The following MRPL19 variants were observed in gnomAD, a reference collection of about 807,000 sequenced individuals.
The protein encoded by MRPL19 is mitochondrial ribosomal protein L19.
A neutral mutation model predicts 34.0 loss-of-function variants in MRPL19; 31 were observed. The ratio of observed to expected loss-of-function variants is 0.91; its 90% CI spans 0.68 to 1.23. The LOEUF is 1.23. Among genes scored for constraint, MRPL19 ranks in the 50% most tolerant of loss-of-function variants. The pLI, the probability that MRPL19 is intolerant of heterozygous loss-of-function variation, is 0.00. For synonymous variants in MRPL19, 152 were observed against 127.7 expected (o/e 1.19, Z -1.28); for missense variants, 384 against 367.6 (o/e 1.04, Z -0.37).
rs760952672 is a variant in MRPL19 at position 75,655,592 on chromosome 2, A to AT, written c.*317dup. 1.4e-3 allele frequency: 284 copies of AT among 208,540 alleles called. No homozygotes were observed. The highest frequency in any genetic ancestry group is 2.4e-3 in the East Asian group (22 of 9,244). 12.9% of individuals were successfully genotyped at this position (208,540 alleles called of 1,614,324 possible). On this transcript the variant is annotated 3_prime_UTR_variant, in exon 6 of 6. Transcript: ENST00000393909. ...TGAGCAAAGGGAATAGGTGGGATGA[A>AT]TTTTTTTTTTAATTGTGAAACAATT...
chr2:75,659,997 T>C lies in MRPL19; in HGVS notation c.*4712T>C, dbSNP rs1205385895. Among the ~76,000 whole-genome samples the C allele has an allele frequency of 1.3e-5, 2 of 152,160 alleles. No homozygotes were observed. The highest frequency in any genetic ancestry group is 3.8e-4 in the East Asian group (2 of 5,204). On this transcript the variant is annotated 3_prime_UTR_variant, in exon 6 of 6. Coordinates refer to ENST00000393909, the MANE Select transcript of MRPL19 (RefSeq NM_014763.4). ...TTCCTTCTGAAATATTCTTAATGTATATGTTGGTCTGTTTGATGCTGTCTC... is the reference window on the plus strand; with the variant it reads ...TTCCTTCTGAAATATTCTTAATGTACATGTTGGTCTGTTTGATGCTGTCTC...
At position 75,660,403 on chromosome 2, in the gene MRPL19, G is replaced by A. The variant is rs1678580733; in HGVS notation, c.*5118G>A. ...TGTTTTCAATGAGCCATACTTTCCT[G>A]TGTCTTTGTATGCTGTCTTTTTGTT... On this transcript the variant is annotated 3_prime_UTR_variant, in exon 6 of 6. Coordinates refer to ENST00000393909, the MANE Select transcript of MRPL19 (RefSeq NM_014763.4). 6.6e-6 allele frequency: 1 copy of A among 152,114 alleles called. No individual in the cohort carries two copies. Among genetic ancestry groups the A allele is most frequent in the South Asian group, 2.1e-4 (1 of 4,818 alleles). The allele number at this position is 152,114 out of a possible 1,614,324, so 9.4% of individuals were successfully genotyped here.
In MRPL19 at chr2:75,654,764, T is replaced by G. The variant is rs1450390773; in HGVS notation, c.504T>G (p.Asn168Lys). 6.2e-7 allele frequency: 1 copy of G among 1,613,794 alleles called. No homozygotes were observed. Among genetic ancestry groups the G allele is most frequent in the Non-Finnish European group, 8.5e-7 (1 of 1,179,810 alleles). The change falls in exon 5 of 6, where the codon AAT (asparagine) becomes AAG (lysine). Residue 168 changes from asparagine to lysine, a missense_variant. Asn to Lys is a moderately conservative substitution (Grantham distance 94, BLOSUM62 0). Transcript: ENST00000393909. ...QGVEICFELY[N>K]PRVQEIQVVK... ...TCGAGATTTGCTTTGAACTTTATAA[T>G]CCTCGGGTCCAGGAGATTCAGGTGG... is the stretch of plus-strand genomic sequence containing the variant.
At chr2:75,648,382 T>A (rs911826968) in intron 2 of MRPL19, among the ~76,000 whole-genome samples, 4 of 152,142 alleles carry the variant, frequency 2.6e-5, no homozygotes, top group Admixed American at 2.6e-4. Context: ...TAACAAAATT[T>A]AGAGGCAGCC....
rs1678463570 is a variant in MRPL19, at chr2:75,656,749, T to C, written c.*1464T>C. 1 of 152,160 alleles carries C rather than the reference T, an allele frequency of 6.6e-6. No individual in the cohort carries two copies. The highest frequency in any genetic ancestry group is 1.9e-4 in the East Asian group (1 of 5,202). The allele number at this position is 152,160 out of a possible 1,614,324, so 9.4% of individuals were successfully genotyped here. ...CTTGGTGTGGGTCTATATTTATCCA[T>C]TGTATTGGGTTTTAGGTGAACCCTT... On this transcript the variant is annotated 3_prime_UTR_variant, in exon 6 of 6. Transcript: ENST00000393909.
At chr2:75,653,238 CCAA>C (rs1249654710) in intron 4 of MRPL19, among the ~76,000 whole-genome samples, 2 of 152,254 alleles carry the variant, frequency 1.3e-5, no homozygotes, top group African/African-American at 4.8e-5. Context: ...TCATGAAGTT[CCAA>C]CAACAAAGTA....
At chr2:75,654,174 A>G (rs1173481014) in intron 4 of MRPL19, among the ~76,000 whole-genome samples, 1 of 152,142 alleles carries the variant, frequency 6.6e-6, no homozygotes, top group Non-Finnish European at 1.5e-5. Context: ...CCTGCATCCA[A>G]GATGGTGCCT....
rs1678621286 is a variant in MRPL19 at position 75,661,566 on chromosome 2, G to C, written c.*6281G>C. 1 of 152,214 alleles carries C rather than the reference G, an allele frequency of 6.6e-6. No individual in the cohort carries two copies. The highest frequency in any genetic ancestry group is 6.5e-5 in the Admixed American group (1 of 15,292). 9.4% of individuals were successfully genotyped at this position (152,214 alleles called of 1,614,324 possible). On this transcript the variant is annotated 3_prime_UTR_variant, in exon 6 of 6. Coordinates refer to ENST00000393909, the MANE Select transcript of MRPL19 (RefSeq NM_014763.4). The stretch of plus-strand genomic sequence containing the variant: ...TGGGAAATAAATCCCTGAGCCTTTT[G>C]AATAACTCAGAGAGATCAAAAACTT...
Position 75,655,449 on chromosome 2 carries a change from A to T in MRPL19, c.*164A>T. 1.7e-6 allele frequency: 1 copy of T among 597,958 alleles called. No individual in the cohort carries two copies. The highest frequency in any genetic ancestry group is 1.9e-5 in the African/African-American group (1 of 53,220). The allele number at this position is 597,958 out of a possible 1,614,324, so 37.0% of individuals were successfully genotyped here. On this transcript the variant is annotated 3_prime_UTR_variant, in exon 6 of 6. Coordinates refer to ENST00000393909, the MANE Select transcript of MRPL19 (RefSeq NM_014763.4). ...TAAAATAAAACTTGTACACCAGTTTATTACTCTAAAAAGAGAATTACACAT... is the reference window on the plus strand; with the variant it reads ...TAAAATAAAACTTGTACACCAGTTTTTTACTCTAAAAAGAGAATTACACAT...
chr2:75,659,186 G>C lies in MRPL19; in HGVS notation c.*3901G>C, dbSNP rs899616485. On this transcript the variant is annotated 3_prime_UTR_variant, in exon 6 of 6. Coordinates refer to ENST00000393909, the MANE Select transcript of MRPL19 (RefSeq NM_014763.4). The stretch of plus-strand genomic sequence containing the variant: ...TGTATATTTGTTAGATGTTTTATTT[G>C]TGGTTGCTATGGGGATTATAGTTAA... Among the ~76,000 whole-genome samples the C allele has an allele frequency of 2.6e-5, 4 of 151,008 alleles. No homozygotes were observed. Among genetic ancestry groups the C allele is most frequent in the Non-Finnish European group, 5.9e-5 (4 of 67,778 alleles).
rs2104121003 is a variant in MRPL19, at chr2:75,647,182, A to G, written c.184A>G (p.Ile62Val). 1 of 1,581,096 alleles carries G rather than the reference A, an allele frequency of 6.3e-7. No homozygotes were observed. The highest frequency in any genetic ancestry group is 8.6e-7 in the Non-Finnish European group (1 of 1,163,100). Residue 62 changes from isoleucine to valine, a missense_variant, in exon 2 of 6, where the codon ATC (isoleucine) becomes GTC (valine). By Grantham distance (29) the Ile-to-Val change is conservative. Coordinates refer to ENST00000393909, the MANE Select transcript of MRPL19 (RefSeq NM_014763.4). ...GAFQPPPKPV[I>V]VDKHRPVEPE... ...GTTCCAACCGCCGCCGAAACCGGTCATCGTGGACAAGCACCGCCCCGTGGA... is the reference window on the plus strand; with the variant it reads ...GTTCCAACCGCCGCCGAAACCGGTCGTCGTGGACAAGCACCGCCCCGTGGA...
intron 2 of MRPL19, among the ~76,000 whole-genome samples, chr2:75,650,117 C>G (rs1390909779): frequency 1.3e-5 from 2 of 151,890 alleles, no homozygotes; most frequent in Admixed American, 1.3e-4. Context: ...GAATAATCAC[C>G]AAATTTAGGA....
chr2:75,652,695 G>A (rs373435743), intron 4 of MRPL19, 38 bp downstream of exon 4: 2 of 1,585,626 alleles, frequency 1.3e-6, no homozygotes, highest in Non-Finnish European at 1.7e-6. Context: ...TCTAGAAAAT[G>A]TTATCTCAGG....
intron 2 of MRPL19, among the ~76,000 whole-genome samples, chr2:75,648,862 C>CT (rs1384757387): frequency 6.6e-6 from 1 of 152,162 alleles, no homozygotes; most frequent in Non-Finnish European, 1.5e-5. Flanking sequence ...GAGCAAGACT[C>CT]TGTCTCAGAA....
Position 75,657,682 on chromosome 2 carries a change from A to G in MRPL19, c.*2397A>G, listed in dbSNP as rs558479235. 8 of 152,280 alleles carry G rather than the reference A, an allele frequency of 5.3e-5. No homozygotes were observed. The highest frequency in any genetic ancestry group is 1.7e-4 in the African/African-American group (7 of 41,578). The allele number at this position is 152,280 out of a possible 1,614,324, so 9.4% of individuals were successfully genotyped here. A position where few individuals can be genotyped will look rare whatever the true frequency, so the allele number is the denominator to read the frequency against. ...TTGGTAGAATGGTAGATGGGACAGTATATTTTAGGACCTAAAGCTCTGCAA... is the reference window on the plus strand; with the variant it reads ...TTGGTAGAATGGTAGATGGGACAGTGTATTTTAGGACCTAAAGCTCTGCAA... On this transcript the variant is annotated 3_prime_UTR_variant, in exon 6 of 6. Transcript: ENST00000393909.
Position 75,658,623 on chromosome 2 carries a change from T to A in MRPL19, c.*3338T>A, listed in dbSNP as rs1435770818. 6.6e-6 allele frequency among the ~76,000 whole-genome samples: 1 copy of A among 152,174 alleles called. No homozygotes were observed. The highest frequency in any genetic ancestry group is 2.4e-5 in the African/African-American group (1 of 41,444). ...TTCTACATGTTTATGAATTTCCCAC[T>A]GTTTTTTTGTTATTGATTTCCAAGT... On this transcript the variant is annotated 3_prime_UTR_variant, in exon 6 of 6. Transcript: ENST00000393909.
intron 4 of MRPL19, 34 bp from the exon 5 acceptor site, chr2:75,654,702 T>C (rs6759555): frequency 0.42 from 676,731 of 1,598,872 alleles, 148,379 homozygotes; most frequent in African/African-American, 0.73. Context: ...AACGTGGACT[T>C]AGATTGTAAG....
chr2:75,651,552 C>G (rs762484010), intron 2 of MRPL19: 3 of 444,282 alleles, frequency 6.8e-6, no homozygotes, highest in African/African-American at 2.0e-5. Context: ...TCAAACTGGT[C>G]TATAGTCTTG....
rs1678474011 is a variant in MRPL19, at chr2:75,657,159, A to G, written c.*1874A>G. 1 of 151,622 alleles carries G rather than the reference A, an allele frequency of 6.6e-6. No homozygotes were observed. The allele number at this position is 151,622 out of a possible 1,614,324, so 9.4% of individuals were successfully genotyped here. On this transcript the variant is annotated 3_prime_UTR_variant, in exon 6 of 6. Transcript: ENST00000393909. ...TCTGTATTTATTTTTTGTTGTCTAT[A>G]TTTCAGACTTTTCCAGGATATCTGA...
Sources: allele counts gnomAD v4.1 joint callset (sites outside exome capture counted in the v4.1 genomes callset), GRCh38; gene constraint gnomAD v4.1.1; transcripts MANE v1.5; gene names NCBI Gene and HGNC (gene_info 2026-07-23, HGNC 2026-07-21).